The following HVCN1 variants were observed in gnomAD, a reference collection of about 807,000 sequenced individuals.
HVCN1 encodes the protein hydrogen voltage gated channel 1.
HVCN1 carries 14 observed loss-of-function variants against 29.2 expected under a neutral mutation model. The ratio of observed to expected loss-of-function variants is 0.48; its 90% confidence interval spans 0.32 to 0.75. HVCN1 has a LOEUF of 0.75. HVCN1 is among the 30% of genes least tolerant of loss of function. The pLI is 0.04. For missense variants in HVCN1, 263 were observed against 341.8 expected, an observed-to-expected ratio of 0.77 and a Z score of 1.82; for synonymous variants, 131 against 133.2, an observed-to-expected ratio of 0.98 and a Z score of 0.11.
intron 3 of HVCN1, among the ~76,000 whole-genome samples, chr12:110,666,452 G>GAAAAT: frequency 6.6e-6 from 1 of 151,480 alleles, no homozygotes; most frequent in Non-Finnish European, 1.5e-5. Flanking sequence ...GAAAAGAAAA[G>GAAAAT]ATCAATGAAC....
At chr12:110,698,922 G>A (rs1230599277) in intron 2 of HVCN1, among the ~76,000 whole-genome samples, 1 of 152,244 alleles carries the variant, frequency 6.6e-6, no homozygotes, top group Non-Finnish European at 1.5e-5. Context: ...GAGGCCAGGA[G>A]TTCGAGACCA....
Position 110,650,135 on chromosome 12 carries a change from ACGCCTGGTCCCCAGATGTGT to A in HVCN1, c.756+13_756+32del. ...GCTAGGATTACAGGCATGAGCCACC[ACGCCTGGTCCCCAGATGTGT>A]CGTCTTTCTTACCTTCTCAGAGCAG... On this transcript the variant is annotated intron_variant, in intron 7 of 7. Transcript: ENST00000242607. 6.9e-7 allele frequency: 1 copy of A among 1,452,168 alleles called. No homozygotes were observed. Among genetic ancestry groups the A allele is most frequent in the Non-Finnish European group, 9.7e-7 (1 of 1,033,212 alleles). The allele number at this position is 1,452,168 out of a possible 1,614,324, so 90.0% of individuals were successfully genotyped here.
chr12:110,671,602 A>C (rs1159770295), intron 3 of HVCN1, among the ~76,000 whole-genome samples: 1 of 152,174 alleles, frequency 6.6e-6, no homozygotes, highest in Non-Finnish European at 1.5e-5. Context: ...ACCAGGACAG[A>C]GGGTGTGTGC....
chr12:110,667,434 A>G (rs2068410137), intron 3 of HVCN1, among the ~76,000 whole-genome samples: 1 of 151,652 alleles, frequency 6.6e-6, no homozygotes, highest in African/African-American at 2.4e-5. Context: ...GTGCCTGGCC[A>G]TAATTCCCTT....
In HVCN1 at chr12:110,651,448, C is replaced by A. The variant is rs2067812091; in HGVS notation, c.412G>T (p.Val138Leu). The A allele has an allele frequency of 6.2e-7, 1 of 1,604,130 alleles. No individual in the cohort carries two copies. Among genetic ancestry groups the A allele is most frequent in the Non-Finnish European group, 8.5e-7 (1 of 1,171,072 alleles). The change falls in exon 6 of 8, where the codon GTA becomes TTA. Residue 138 changes from valine (V) to leucine (L), a missense_variant and splice_region_variant. By Grantham distance (32) the Val-to-Leu change is conservative. Transcript: ENST00000242607. The stretch of plus-strand genomic sequence containing the variant: ...ATGGTGATGCTCATGTAGTGGAATA[C>A]CTGAAGGGGACAAGGAACCACAGTC... ...QPDKNNYAAM[V>L]FHYMSITILV...
In HVCN1 at chr12:110,650,191, G is replaced by C; in HGVS notation, c.733C>G (p.Leu245Val). 1.2e-6 allele frequency: 2 copies of C among 1,612,096 alleles called. No individual in the cohort carries two copies. Among genetic ancestry groups the C allele is most frequent in the Non-Finnish European group, 1.7e-6 (2 of 1,178,286 alleles). ...ACCTTCTCAGAGCAGCTGAACTCAA[G>C]GTGTTGAATCTTGGCGGCCAATTGT... The part of the protein sequence containing the change: ...NVQLAAKIQH[L>V]EFSCSEKEQE... The change falls in exon 7 of 8, where the codon CTT (leucine) becomes GTT (valine). Residue 245 changes from leucine to valine, a missense_variant. Physicochemically the swap from Leu to Val is conservative, Grantham distance 32. Around this residue, in one of 3 missense-constraint regions of HVCN1, gnomAD observed 51 missense variants for 51.1 expected, o/e 1.00. Transcript: ENST00000242607.
At chr12:110,690,016 C>T (rs1251203956), upstream of HVCN1, among the ~76,000 whole-genome samples, 4 of 152,236 alleles carry the variant, frequency 2.6e-5, no homozygotes, top group African/African-American at 9.7e-5. Context: ...AACAGATCAC[C>T]ACAAACCTAG....
intron 4 of HVCN1, among the ~76,000 whole-genome samples, chr12:110,659,453 A>G (rs1410909084): frequency 6.6e-6 from 1 of 152,218 alleles, no homozygotes; most frequent in African/African-American, 2.4e-5. Flanking sequence ...AGCATCCCCT[A>G]AATGCCCACC....
chr12:110,672,586 T>A (rs1419404161), intron 3 of HVCN1, among the ~76,000 whole-genome samples: 1 of 152,214 alleles, frequency 6.6e-6, no homozygotes, highest in Admixed American at 6.5e-5. Context: ...CATTTTTTTT[T>A]CTAATAGGTT....
intron 5 of HVCN1, among the ~76,000 whole-genome samples, chr12:110,654,588 C>T (rs999596567): frequency 6.6e-6 from 1 of 151,320 alleles, no homozygotes; most frequent in Non-Finnish European, 1.5e-5. Context: ...AAGCGATTCT[C>T]CTGCCTCAGC....
Position 110,658,917 on chromosome 12 carries a change from G to A in HVCN1, c.306+2247C>T, listed in dbSNP as rs911502274. On this transcript the variant is annotated intron_variant, in intron 4 of 7. Coordinates refer to ENST00000242607, the MANE Select transcript of HVCN1 (RefSeq NM_032369.4). This position sits in a 1 kb window ranked among gnomAD's most constrained non-coding sequence, Gnocchi z 5.0. The stretch of plus-strand genomic sequence containing the variant: ...AGGAGTATCTGGGTGTCCCAGCTCA[G>A]GGGCCAGTCCCCAGCCCTAAGCCCA... Among the ~76,000 whole-genome samples, 2 of 152,214 alleles carry A rather than the reference G, an allele frequency of 1.3e-5. No individual in the cohort carries two copies. The highest frequency in any genetic ancestry group is 2.9e-5 in the Non-Finnish European group (2 of 68,040).
At chr12:110,650,925 C>T (rs1168565171) in intron 6 of HVCN1, among the ~76,000 whole-genome samples, 2 of 152,152 alleles carry the variant, frequency 1.3e-5, no homozygotes, top group African/African-American at 4.8e-5. Context: ...GTCTCGAACT[C>T]CTGGGCTCAA....
intron 3 of HVCN1, among the ~76,000 whole-genome samples, chr12:110,677,702 C>G (rs2068793847): frequency 6.6e-6 from 1 of 152,162 alleles, no homozygotes; most frequent in Non-Finnish European, 1.5e-5. Flanking sequence ...TTTTTAAAAT[C>G]AGGGAAGTCT....
At chr12:110,655,660 C>A (rs1433708571) in intron 4 of HVCN1, among the ~76,000 whole-genome samples, 2 of 152,110 alleles carry the variant, frequency 1.3e-5, no homozygotes, top group East Asian at 3.9e-4. Flanking sequence ...CCAAATACCA[C>A]CTCTCAAACC....
At chr12:110,666,936 A>G (rs1238405814) in intron 3 of HVCN1, among the ~76,000 whole-genome samples, 1 of 152,118 alleles carries the variant, frequency 6.6e-6, no homozygotes, top group Non-Finnish European at 1.5e-5. Flanking sequence ...ACCTCACATG[A>G]AGGCAGGGTC....
At chr12:110,694,507 G>T (rs944134451), upstream of HVCN1, among the ~76,000 whole-genome samples, 2 of 152,198 alleles carry the variant, frequency 1.3e-5, no homozygotes, top group African/African-American at 2.4e-5. This position sits in a 1 kb window ranked among gnomAD's most constrained non-coding sequence, Gnocchi z 4.6. Flanking sequence ...TGCTGGTTTT[G>T]GTTCCTCCAA....
At chr12:110,654,938 C>T (rs1039264169) in intron 5 of HVCN1, among the ~76,000 whole-genome samples, 2 of 152,140 alleles carry the variant, frequency 1.3e-5, no homozygotes, top group Non-Finnish European at 2.9e-5. Flanking sequence ...AGACCATCAA[C>T]AGAAGACAGG....
At chr12:110,696,019 C>G (rs1425844491) in intron 2 of HVCN1, among the ~76,000 whole-genome samples, 2 of 149,856 alleles carry the variant, frequency 1.3e-5, no homozygotes, top group East Asian at 2.0e-4. Flanking sequence ...ATGGCGCGAT[C>G]TCAGCTCACT....
chr12:110,693,143 T>A (rs1337291765), upstream of HVCN1, among the ~76,000 whole-genome samples: 18 of 149,066 alleles, frequency 1.2e-4, no homozygotes, highest in Admixed American at 1.1e-3. Flanking sequence ...CCTCCCCAAA[T>A]TTTTTTTTTT....
Sources: gnomAD v4.1 joint callset for allele counts (sites outside exome capture counted in the v4.1 genomes callset) on GRCh38, gnomAD v4.1.1 for gene constraint, gnomAD v4.1.1 regional missense constraint, Gnocchi (gnomAD v3.1) non-coding constraint, MANE v1.5 for transcripts, NCBI Gene and HGNC (gene_info 2026-07-23, HGNC 2026-07-21) for gene names.